PPP1R9A: variants seen among roughly 807,000 people sequenced by gnomAD.
The protein encoded by PPP1R9A is neurabin-1.
In PPP1R9A, 59 loss-of-function variants were observed where a neutral mutation model predicts 141.9. That is an observed-to-expected ratio of 0.42 (90% confidence interval 0.34 to 0.52). The LOEUF (loss-of-function observed/expected upper bound fraction) is 0.52, where lower values mean the gene tolerates loss of function less well. Among genes scored for constraint, PPP1R9A ranks in the 20% least tolerant of loss-of-function variants. The probability of loss-of-function intolerance (pLI) is 0.10; values close to 1 mark genes in which losing one functional copy is unlikely to be tolerated. For synonymous variants in PPP1R9A, 500 were observed against 569.7 expected (o/e 0.88, Z 1.74); for missense variants, 1,444 against 1,611.9 (o/e 0.90, Z 1.78).
At chr7:94,977,541 G>A (rs950770117) in intron 2 of PPP1R9A, among the ~76,000 whole-genome samples, 5 of 152,108 alleles carry the variant, frequency 3.3e-5, no homozygotes, top group Non-Finnish European at 7.4e-5. Context: ...GGAGAGGTGG[G>A]ACAAAAGCTT....
intron 16 of PPP1R9A, among the ~76,000 whole-genome samples, chr7:95,281,724 A>T (rs569032506): frequency 1.3e-5 from 2 of 152,206 alleles, no homozygotes; most frequent in African/African-American, 2.4e-5. Context: ...GGTAATAGTG[A>T]TTGTTCTAAA....
intron 5 of PPP1R9A, among the ~76,000 whole-genome samples, chr7:95,182,036 G>A (rs956239080): frequency 2.0e-5 from 3 of 151,798 alleles, no homozygotes; most frequent in African/African-American, 4.8e-5. Flanking sequence ...GGGAAGGTTG[G>A]GGTGGCAAGG....
rs576816065 is a variant in PPP1R9A at position 95,064,503 on chromosome 7, T to C, written c.1396-46756T>C. On this transcript the variant is annotated intron_variant, in intron 2 of 19. Transcript: ENST00000433360. ...AAAAAGCACAAACTTACAAAAAGTA[T>C]GGCACTAAGTGGAGTGAAGAAAGGA... Among the ~76,000 whole-genome samples, 12 of 152,294 alleles carry C rather than the reference T, an allele frequency of 7.9e-5. No homozygotes were observed. The South Asian group carries it at 2.5e-3, about 32-fold the overall frequency.
chr7:95,098,628 T>C (rs1019943462), intron 2 of PPP1R9A, among the ~76,000 whole-genome samples: 10 of 152,122 alleles, frequency 6.6e-5, no homozygotes, highest in African/African-American at 2.4e-4. Flanking sequence ...TCCTGGGAGT[T>C]TTACAGAGGT....
At chr7:95,037,941 A>G (rs973496952) in intron 2 of PPP1R9A, among the ~76,000 whole-genome samples, 1 of 102,016 alleles carries the variant, frequency 9.8e-6, no homozygotes, top group Non-Finnish European at 1.9e-5. Flanking sequence ...CTTGTTCTAC[A>G]AAATAATTTA....
chr7:95,029,418 A>G (rs887453714), intron 2 of PPP1R9A, among the ~76,000 whole-genome samples: 4 of 152,328 alleles, frequency 2.6e-5, no homozygotes, highest in African/African-American at 9.6e-5. Context: ...TGGAAAAACA[A>G]TTAGAGAAAT....
intron 2 of PPP1R9A, among the ~76,000 whole-genome samples, chr7:94,977,563 G>A (rs1333394724): frequency 6.6e-6 from 1 of 152,020 alleles, no homozygotes; most frequent in Non-Finnish European, 1.5e-5. Flanking sequence ...AATGGGGTGA[G>A]TTCAGGAGAG....
At chr7:95,126,869 T>G (rs753821697) in intron 4 of PPP1R9A, among the ~76,000 whole-genome samples, 32 of 152,196 alleles carry the variant, frequency 2.1e-4, no homozygotes, top group Non-Finnish European at 4.4e-4. Flanking sequence ...ACAGTAACCA[T>G]TTTTGTATTT....
At chr7:95,075,749 G>A (rs545203653) in intron 2 of PPP1R9A, among the ~76,000 whole-genome samples, 2 of 152,152 alleles carry the variant, frequency 1.3e-5, no homozygotes, top group East Asian at 2.0e-4. Context: ...AGGCAGGAGA[G>A]TGGTGTGAAC....
intron 2 of PPP1R9A, among the ~76,000 whole-genome samples, chr7:94,983,647 A>G (rs1187240803): frequency 1.3e-5 from 2 of 152,150 alleles, no homozygotes; most frequent in African/African-American, 2.4e-5. Flanking sequence ...TTATTGGTGT[A>G]TAAGAATGCT....
At chr7:95,075,031 G>A (rs559557776) in intron 2 of PPP1R9A, among the ~76,000 whole-genome samples, 1 of 151,642 alleles carries the variant, frequency 6.6e-6, no homozygotes, top group East Asian at 1.9e-4. Flanking sequence ...TTTTTCTATT[G>A]GTTTATCAAT....
chr7:95,233,159 C>G (rs749433877), intron 8 of PPP1R9A, among the ~76,000 whole-genome samples: 1 of 152,106 alleles, frequency 6.6e-6, no homozygotes, highest in Non-Finnish European at 1.5e-5. Context: ...GAAAATGTGG[C>G]ACATATACAC....
chr7:95,215,885 T>G (rs1486671571), intron 7 of PPP1R9A, among the ~76,000 whole-genome samples: 1 of 152,228 alleles, frequency 6.6e-6, no homozygotes, highest in East Asian at 1.9e-4. Flanking sequence ...CTTTGTCAGA[T>G]GAGTAGATTG....
chr7:95,236,286 AAGTTTGTTATTATTC>A lies in PPP1R9A; in HGVS notation c.2112+10173_2112+10187del, dbSNP rs1796673867. ...ATAAGATAGAAAGTTCCGTTCCTGG[AAGTTTGTTATTATTC>A]AGCTTTTAATTCAGCATATTAAAGG... On this transcript the variant is annotated intron_variant, in intron 8 of 19. Coordinates refer to ENST00000433360, the MANE Select transcript of PPP1R9A (RefSeq NM_001166160.2). Among the ~76,000 whole-genome samples, 6 of 152,168 alleles carry A rather than the reference AAGTTTGTTATTATTC, an allele frequency of 3.9e-5. No homozygotes were observed. The East Asian group carries it at 1.2e-3, about 29-fold the overall frequency.
chr7:94,964,960 A>G (rs854720), intron 2 of PPP1R9A, among the ~76,000 whole-genome samples: 59,379 of 151,990 alleles, frequency 0.39, 12,450 homozygotes, highest in Middle Eastern at 0.51. Flanking sequence ...AAGTGTTCCT[A>G]TTTCTCCACA....
chr7:95,088,885 T>TA (rs1181778230), intron 2 of PPP1R9A, among the ~76,000 whole-genome samples: 1 of 152,044 alleles, frequency 6.6e-6, no homozygotes, highest in Non-Finnish European at 1.5e-5. Flanking sequence ...GATAATTTGC[T>TA]ACTCTCAAAT....
Sources: gnomAD v4.1 joint callset for allele counts (sites outside exome capture counted in the v4.1 genomes callset) on GRCh38, gnomAD v4.1.1 for gene constraint, MANE v1.5 for transcripts, NCBI Gene and HGNC (gene_info 2026-07-23, HGNC 2026-07-21) for gene names.